Variants in HDAC9 observed in about 807,000 individuals in gnomAD.
HDAC9 encodes histone deacetylase 9.
HDAC9 carries 41 observed loss-of-function variants against 139.4 expected under a neutral mutation model. The observed-to-expected ratio is 0.29, with a 90% CI of 0.23 to 0.38. The LOEUF is 0.38. Ranked by LOEUF, HDAC9 falls within the 10% of genes least tolerant of loss-of-function variation. The pLI is 1.00. For synonymous variants in HDAC9, 517 were observed against 476.2 expected (o/e 1.09, Z -1.12); for missense variants, 1,147 against 1,297.0 (o/e 0.88, Z 1.78).
At chr7:18,798,868 C>T (rs961617143) in intron 17 of HDAC9, among the ~76,000 whole-genome samples, 4 of 151,996 alleles carry the variant, frequency 2.6e-5, no homozygotes, top group African/African-American at 9.7e-5. Context: ...TCTAGAAAGC[C>T]ACATGTATGA....
At chr7:18,719,973 G>T (rs377480897) in intron 12 of HDAC9, among the ~76,000 whole-genome samples, 3 of 152,216 alleles carry the variant, frequency 2.0e-5, no homozygotes, top group African/African-American at 7.2e-5. Context: ...TTTATTTCTG[G>T]ATTATCAATT....
intron 12 of HDAC9, chr7:18,668,194 A>G (rs1250717120): frequency 1.2e-6 from 1 of 861,336 alleles, no homozygotes; most frequent in Non-Finnish European, 1.4e-6. Flanking sequence ...CATAACTAGA[A>G]GTTAGAAAGT....
intron 22 of HDAC9, among the ~76,000 whole-genome samples, chr7:18,914,352 C>T (rs964932341): frequency 6.6e-6 from 1 of 151,748 alleles, no homozygotes; most frequent in African/African-American, 2.4e-5. Flanking sequence ...GCTATTCATT[C>T]GTTTCAGGTT....
chr7:18,596,682 C>G lies in HDAC9; in HGVS notation c.664+2653C>G, dbSNP rs538043427. On this transcript the variant is annotated intron_variant, in intron 6 of 25. Transcript: ENST00000686413. Reference sequence around the variant, plus strand: ...TTGATCATAGAGTGTAAACACCAGCCCAGCTACTGTAGAGTGACGCTTTGT... The same window carrying G: ...TTGATCATAGAGTGTAAACACCAGCGCAGCTACTGTAGAGTGACGCTTTGT... Among the ~76,000 whole-genome samples, 9 of 152,110 alleles carry G rather than the reference C, an allele frequency of 5.9e-5. No individual in the cohort carries two copies. In the South Asian group the frequency reaches 1.9e-3, roughly 32 times the overall value.
intron 1 of HDAC9, among the ~76,000 whole-genome samples, chr7:18,139,038 C>A (rs1785680928): frequency 6.6e-6 from 1 of 151,050 alleles, no homozygotes; most frequent in African/African-American, 2.4e-5. Context: ...TTAAATGATT[C>A]ATTCTAGACA....
chr7:18,557,736 A>G (rs1819311807), intron 2 of HDAC9, among the ~76,000 whole-genome samples: 1 of 149,118 alleles, frequency 6.7e-6, no homozygotes, highest in Admixed American at 6.7e-5. Flanking sequence ...AATGATATTA[A>G]GTATTATAAA....
intron 25 of HDAC9, among the ~76,000 whole-genome samples, chr7:18,987,436 A>G (rs925786529): frequency 6.6e-6 from 1 of 152,166 alleles, no homozygotes; most frequent in African/African-American, 2.4e-5. Flanking sequence ...CATGGTGGAT[A>G]AGCTTTTTGA....
chr7:18,171,740 G>A (rs1201222921), intron 2 of HDAC9, among the ~76,000 whole-genome samples: 3 of 152,162 alleles, frequency 2.0e-5, no homozygotes, highest in Non-Finnish European at 4.4e-5. Context: ...TTATGTGATG[G>A]ATTATGTTTA....
At chr7:18,645,493 C>T (rs2129021467) in intron 9 of HDAC9, among the ~76,000 whole-genome samples, 1 of 152,192 alleles carries the variant, frequency 6.6e-6, no homozygotes, top group South Asian at 2.1e-4. Flanking sequence ...GGACTCTTTG[C>T]CTTAAAATTT....
In HDAC9 at chr7:18,160,967, TAA is replaced by T. The variant is rs1045629014; in HGVS notation, c.-96-1257_-96-1256del. 9.2e-5 allele frequency among the ~76,000 whole-genome samples: 14 copies of T among 152,274 alleles called. 1 individual carries two copies. In the South Asian group the frequency reaches 2.9e-3, roughly 32 times the overall value. ...GAATGTCCATTTCTTGATATAAAAA[TAA>T]AAAAGTTTGCTTTTCATTTTTATCT... On this transcript the variant is annotated intron_variant, in intron 1 of 12. Transcript: ENST00000417496.
chr7:18,481,819 C>G (rs531004990), intron 1 of HDAC9, among the ~76,000 whole-genome samples: 1 of 152,290 alleles, frequency 6.6e-6, no homozygotes, highest in Non-Finnish European at 1.5e-5. Context: ...GGCTAGATTA[C>G]TTGCCTTGTG....
intron 1 of HDAC9, among the ~76,000 whole-genome samples, chr7:18,453,365 A>G (rs1793058880): frequency 6.6e-6 from 1 of 152,242 alleles, no homozygotes; most frequent in African/African-American, 2.4e-5. Flanking sequence ...AAATCCATTT[A>G]GTTAAACAGA....
intron 2 of HDAC9, among the ~76,000 whole-genome samples, chr7:18,204,947 T>C (rs1371038538): frequency 2.0e-5 from 3 of 152,086 alleles, no homozygotes; most frequent in Admixed American, 6.5e-5. Context: ...AGTTGTCATC[T>C]TTCAAAAAAA....
intron 1 of HDAC9, among the ~76,000 whole-genome samples, chr7:18,439,093 T>G (rs929702901): frequency 1.6e-4 from 25 of 152,282 alleles, no homozygotes; most frequent in African/African-American, 5.1e-4. Flanking sequence ...AGCAGTTAAT[T>G]TATCTTACAT....
In HDAC9 at chr7:18,997,948, C is replaced by T. The variant is rs750702429; in HGVS notation, c.*1886C>T. On this transcript the variant is annotated 3_prime_UTR_variant, in exon 26 of 26. Coordinates refer to ENST00000686413, the MANE Select transcript of HDAC9 (RefSeq NM_178425.4). ...TATTAGGTAAAAATTGCTTTCATTG[C>T]GTAAGGGCAAATTCAGTCTAGATTC... 2.0e-5 allele frequency: 3 copies of T among 151,936 alleles called. No homozygotes were observed. The highest frequency in any genetic ancestry group is 2.1e-4 in the South Asian group (1 of 4,820). 9.4% of individuals were successfully genotyped at this position (151,936 alleles called of 1,614,324 possible). A position where few individuals can be genotyped will look rare whatever the true frequency, so the allele number is the denominator to read the frequency against.
In HDAC9 at chr7:18,505,563, A is replaced by G. The variant is rs372123669; in HGVS notation, c.22+9239A>G. ...AAACTGGATGGCTGTGTTTATATGTATTATCATCATACTACGTTTTACTTT... is the reference window on the plus strand; with the variant it reads ...AAACTGGATGGCTGTGTTTATATGTGTTATCATCATACTACGTTTTACTTT... On this transcript the variant is annotated intron_variant, in intron 2 of 25. Coordinates refer to ENST00000686413, the MANE Select transcript of HDAC9 (RefSeq NM_178425.4). Among the ~76,000 whole-genome samples, 11 of 152,192 alleles carry G rather than the reference A, an allele frequency of 7.2e-5. No individual in the cohort carries two copies. In the East Asian group the frequency reaches 7.7e-4, roughly 11 times the overall value.
intron 2 of HDAC9, among the ~76,000 whole-genome samples, chr7:18,565,779 A>T (rs2128723488): frequency 6.6e-6 from 1 of 152,214 alleles, no homozygotes; most frequent in East Asian, 1.9e-4. Flanking sequence ...AAGTAATGAA[A>T]TCTTTTTATG....
At chr7:18,411,349 T>A (rs1268922034) in intron 1 of HDAC9, among the ~76,000 whole-genome samples, 1 of 152,226 alleles carries the variant, frequency 6.6e-6, no homozygotes, top group Admixed American at 6.5e-5. Context: ...TTTAGTACAG[T>A]ATTCAATAAA....
chr7:18,447,607 T>A (rs1003341783), intron 1 of HDAC9, among the ~76,000 whole-genome samples: 4 of 152,328 alleles, frequency 2.6e-5, no homozygotes, highest in Admixed American at 2.0e-4. Context: ...TTTATAAAGT[T>A]GAGATTATTT....
Sources: gnomAD v4.1 joint callset for allele counts (sites outside exome capture counted in the v4.1 genomes callset) on GRCh38, gnomAD v4.1.1 for gene constraint, MANE v1.5 for transcripts, NCBI Gene and HGNC (gene_info 2026-07-23, HGNC 2026-07-21) for gene names.